Variants in NHSL1 observed in about 807,000 individuals in gnomAD.
The protein encoded by NHSL1 is NHS like 1.
A neutral mutation model predicts 95.0 loss-of-function variants in NHSL1; 48 were observed. The observed-to-expected ratio is 0.51, with a 90% confidence interval of 0.40 to 0.64. The LOEUF (loss-of-function observed/expected upper bound fraction) is 0.64, where lower values mean the gene tolerates loss of function less well. Ranked by LOEUF, NHSL1 falls within the 30% of genes least tolerant of loss-of-function variation. The pLI, the probability that NHSL1 is intolerant of heterozygous loss-of-function variation, is 0.00. For synonymous variants in NHSL1, 783 were observed against 833.9 expected, an observed-to-expected ratio of 0.94 and a Z score of 1.05; for missense variants, 1,971 against 2,077.7, an observed-to-expected ratio of 0.95 and a Z score of 1.00.
chr6:138,529,238 G>A (rs1782036004), intron 1 of NHSL1, among the ~76,000 whole-genome samples: 1 of 152,182 alleles, frequency 6.6e-6, no homozygotes, highest in African/African-American at 2.4e-5. Context: ...CTCCCTTGCA[G>A]GTGTCAGAAA....
At chr6:138,645,183 T>C (rs1417059200) in intron 1 of NHSL1, among the ~76,000 whole-genome samples, 3 of 152,358 alleles carry the variant, frequency 2.0e-5, no homozygotes, top group East Asian at 3.9e-4. Flanking sequence ...GAGTTATATA[T>C]GATAATCATT....
chr6:138,573,624 C>T (rs369065954), upstream of NHSL1, among the ~76,000 whole-genome samples: 5 of 152,162 alleles, frequency 3.3e-5, no homozygotes, highest in East Asian at 7.7e-4. Flanking sequence ...GTTCATATTA[C>T]ACCATGTAAA....
At chr6:138,543,231 A>G (rs73557338) in intron 1 of NHSL1, among the ~76,000 whole-genome samples, 5,135 of 152,312 alleles carry the variant, frequency 0.034, 280 homozygotes, top group African/African-American at 0.12. Context: ...TTAGCCACAG[A>G]GACCTTAGCT....
chr6:138,574,169 G>C (rs2114461557), upstream of NHSL1, among the ~76,000 whole-genome samples: 1 of 152,292 alleles, frequency 6.6e-6, no homozygotes, highest in Non-Finnish European at 1.5e-5. Context: ...CTGACTTTGT[G>C]ATCCGCCTGC....
intron 3 of NHSL1, chr6:138,464,427 C>T (rs940482629): frequency 1.5e-5 from 5 of 342,094 alleles, no homozygotes; most frequent in East Asian, 6.4e-5. Context: ...AGGATGGGAG[C>T]GCTGCAGAAG....
chr6:138,486,463 C>T (rs574766409), intron 2 of NHSL1, among the ~76,000 whole-genome samples: 20 of 152,266 alleles, frequency 1.3e-4, no homozygotes, highest in African/African-American at 4.3e-4. Context: ...CAATGACTCT[C>T]TCCCCACCTG....
intron 3 of NHSL1, among the ~76,000 whole-genome samples, chr6:138,457,958 A>G (rs535066472): frequency 6.6e-6 from 1 of 151,464 alleles, no homozygotes; most frequent in Admixed American, 6.6e-5. Flanking sequence ...TGGTGAGTCA[A>G]GATTGTGCCA....
intron 1 of NHSL1, among the ~76,000 whole-genome samples, chr6:138,651,641 T>C (rs1256987504): frequency 2.0e-5 from 3 of 152,200 alleles, no homozygotes; most frequent in Admixed American, 1.3e-4. Flanking sequence ...GGAGCATATA[T>C]ACTATCCATA....
intron 1 of NHSL1, chr6:138,512,474 C>A: frequency 3.3e-6 from 1 of 301,332 alleles, no homozygotes; most frequent in Non-Finnish European, 6.5e-6. Flanking sequence ...AACTGCTCGT[C>A]AACAGGATAA....
chr6:138,590,034 G>T (rs1476581759), intron 1 of NHSL1, among the ~76,000 whole-genome samples: 1 of 152,150 alleles, frequency 6.6e-6, no homozygotes, highest in Non-Finnish European at 1.5e-5. Flanking sequence ...GTCTCACTCT[G>T]TTGCCCAGTC....
intron 1 of NHSL1, among the ~76,000 whole-genome samples, chr6:138,626,588 G>A (rs1430615047): frequency 6.6e-6 from 1 of 152,038 alleles, no homozygotes; most frequent in African/African-American, 2.4e-5. Context: ...ATATAATCAA[G>A]AAACTTTCTT....
intron 1 of NHSL1, among the ~76,000 whole-genome samples, chr6:138,604,577 GTGAA>G (rs933609866): frequency 3.9e-5 from 6 of 152,142 alleles, no homozygotes; most frequent in Non-Finnish European, 8.8e-5. Context: ...CAATTATCTG[GTGAA>G]TGAATGAATG....
At chr6:138,619,884 G>A (rs1436333360) in intron 1 of NHSL1, among the ~76,000 whole-genome samples, 2 of 147,752 alleles carry the variant, frequency 1.4e-5, no homozygotes, top group Non-Finnish European at 3.0e-5. Flanking sequence ...GGAAGCGGAG[G>A]TTGCAGTGAG....
At chr6:138,591,461 TG>T (rs1784225625) in intron 1 of NHSL1, among the ~76,000 whole-genome samples, 1 of 152,178 alleles carries the variant, frequency 6.6e-6, no homozygotes, top group Admixed American at 6.5e-5. Flanking sequence ...TTGTCCAGGC[TG>T]GAGTGCAGTG....
intron 3 of NHSL1, among the ~76,000 whole-genome samples, chr6:138,460,989 A>G (rs1208668677): frequency 6.6e-6 from 1 of 151,962 alleles, no homozygotes; most frequent in African/African-American, 2.4e-5. Flanking sequence ...GGATGCCTGA[A>G]TTGAGGTTTC....
chr6:138,546,351 G>A (rs1361146364), upstream of NHSL1, among the ~76,000 whole-genome samples: 1 of 146,974 alleles, frequency 6.8e-6, no homozygotes, highest in East Asian at 2.0e-4. Flanking sequence ...AGAACTTTGG[G>A]AGACCAAGGT....
At chr6:138,609,364 C>G (rs1445038007) in intron 1 of NHSL1, among the ~76,000 whole-genome samples, 1 of 152,184 alleles carries the variant, frequency 6.6e-6, no homozygotes, top group Non-Finnish European at 1.5e-5. Flanking sequence ...CTGGGGCTCA[C>G]GCACAGCCCA....
At position 138,496,334 on chromosome 6, in the gene NHSL1, G is replaced by C. The variant is rs1275710337; in HGVS notation, c.96C>G (p.Val32=). The change falls in exon 2 of 8, where the codon GTC becomes GTG. Residue 32 remains valine, a synonymous_variant. Transcript: ENST00000343505. ...GCTGGTGCCACGGGGCAGTGTAGTG[G>C]ACTGTCCATCGGCTTTCCTCATCTA... ...SNLDEESRWT[V]HYTAPWHQQE... 3.2e-6 allele frequency: 5 copies of C among 1,550,538 alleles called. No individual in the cohort carries two copies. Among genetic ancestry groups the C allele is most frequent in the Non-Finnish European group, 4.4e-6 (5 of 1,146,896 alleles).
At chr6:138,509,543 T>A in intron 1 of NHSL1, among the ~76,000 whole-genome samples, 1 of 152,006 alleles carries the variant, frequency 6.6e-6, no homozygotes, top group Admixed American at 6.6e-5. Flanking sequence ...CAGGAGAAAC[T>A]GACAAAATAA....
Sources: gnomAD v4.1 joint callset for allele counts (sites outside exome capture counted in the v4.1 genomes callset) on GRCh38, gnomAD v4.1.1 for gene constraint, MANE v1.5 for transcripts, NCBI Gene and HGNC (gene_info 2026-07-23, HGNC 2026-07-21) for gene names.